Variants in HECW1 observed in about 807,000 individuals in gnomAD.
HECW1 encodes the protein HECT, C2 and WW domain containing E3 ubiquitin protein ligase 1.
Under a neutral mutation model 182.3 loss-of-function variants are expected in HECW1, and 61 were observed. The observed-to-expected ratio is 0.33, with a 90% CI of 0.27 to 0.41. The LOEUF (loss-of-function observed/expected upper bound fraction) is 0.41, where lower values mean the gene tolerates loss of function less well. Ranked by LOEUF, HECW1 falls within the 10% of genes least tolerant of loss-of-function variation. The pLI is 1.00. For missense variants in HECW1, 1,739 were observed against 2,108.9 expected, an observed-to-expected ratio of 0.82 and a Z score of 3.44; for synonymous variants, 859 against 832.6, an observed-to-expected ratio of 1.03 and a Z score of -0.55.
intron 2 of HECW1, among the ~76,000 whole-genome samples, chr7:43,168,853 A>C (rs551584599): frequency 1.3e-5 from 2 of 152,290 alleles, no homozygotes; most frequent in Non-Finnish European, 2.9e-5. Context: ...CTGACAAGAT[A>C]TGATTCTACT....
chr7:43,366,167 A>G (rs1208711832), intron 6 of HECW1, among the ~76,000 whole-genome samples: 1 of 147,328 alleles, frequency 6.8e-6, no homozygotes, highest in Non-Finnish European at 1.5e-5. Flanking sequence ...TTACAGATTC[A>G]TATACTTGTC....
intron 6 of HECW1, among the ~76,000 whole-genome samples, chr7:43,391,300 C>T (rs1365680210): frequency 6.6e-6 from 1 of 152,070 alleles, no homozygotes; most frequent in Non-Finnish European, 1.5e-5. Context: ...ATATCTTCTC[C>T]CTGTAGCTGG....
intron 19 of HECW1, among the ~76,000 whole-genome samples, chr7:43,497,982 G>A (rs1490772555): frequency 6.6e-6 from 1 of 152,190 alleles, no homozygotes; most frequent in Non-Finnish European, 1.5e-5. Context: ...CTGAACTCTA[G>A]GGAAAGTGTG....
intron 2 of HECW1, chr7:43,240,132 G>A (rs1798738568): frequency 6.6e-6 from 1 of 152,214 alleles, no homozygotes; most frequent in African/African-American, 2.4e-5. Flanking sequence ...CACGAGGTCA[G>A]GAGATCGAGA....
In HECW1 at chr7:43,112,813, G is replaced by A; in HGVS notation, c.-391G>A. ...AGCCAGAGCGCAGCGAGAGCGGGCG[G>A]TCGCCAGGGTCCCCTCCCCAGCCAG... On this transcript the variant is annotated 5_prime_UTR_variant, in exon 1 of 30. Transcript: ENST00000395891. 8.7e-6 allele frequency: 2 copies of A among 228,910 alleles called. No homozygotes were observed. The highest frequency in any genetic ancestry group is 6.1e-5 in the East Asian group (1 of 16,306). 14.2% of individuals were successfully genotyped at this position (228,910 alleles called of 1,614,324 possible). A position where few individuals can be genotyped will look rare whatever the true frequency, so the allele number is the denominator to read the frequency against.
intron 2 of HECW1, among the ~76,000 whole-genome samples, chr7:43,237,868 G>T (rs567200441): frequency 6.6e-6 from 1 of 151,522 alleles, no homozygotes; most frequent in South Asian, 2.1e-4. Context: ...CTGCAAAAGC[G>T]CTGAGTAGGA....
In HECW1 at chr7:43,564,879, G is replaced by T. The variant is rs185461562; in HGVS notation, c.*2953G>T. The T allele has an allele frequency of 8.9e-3, 1,610 of 180,334 alleles. 27 individuals carry two copies. Among genetic ancestry groups the T allele is most frequent in the African/African-American group, 0.039 (1,518 of 39,102 alleles). 11.2% of individuals were successfully genotyped at this position (180,334 alleles called of 1,614,324 possible). On this transcript the variant is annotated 3_prime_UTR_variant, in exon 30 of 30. Coordinates refer to ENST00000395891, the MANE Select transcript of HECW1 (RefSeq NM_015052.5). ...AAGACAGATCTATTTGTTACCACCT[G>T]TAATTTTTTTTTAAGCATGAGTTTT...
chr7:43,458,270 T>A (rs1015318257), intron 13 of HECW1, among the ~76,000 whole-genome samples: 1 of 152,252 alleles, frequency 6.6e-6, no homozygotes, highest in African/African-American at 2.4e-5. Context: ...ATCGTCAGGC[T>A]GTATTCATAA....
intron 24 of HECW1, among the ~76,000 whole-genome samples, chr7:43,520,819 G>T (rs952371666): frequency 1.3e-4 from 20 of 152,112 alleles, no homozygotes; most frequent in African/African-American, 4.6e-4. Flanking sequence ...GTGCAAAATA[G>T]CTTGAGAAAG....
At chr7:43,274,040 G>A (rs185518846) in intron 3 of HECW1, 38 of 279,660 alleles carry the variant, frequency 1.4e-4, no homozygotes, top group Admixed American at 1.1e-3. Context: ...TAGTGGAGAC[G>A]GGGTTTTGCC....
chr7:43,409,930 G>T (rs1422164477), intron 8 of HECW1, among the ~76,000 whole-genome samples: 1 of 152,140 alleles, frequency 6.6e-6, no homozygotes, highest in Non-Finnish European at 1.5e-5. Flanking sequence ...GATGTATTTG[G>T]CTCCATGCAA....
intron 2 of HECW1, among the ~76,000 whole-genome samples, chr7:43,172,051 G>T (rs1791748005): frequency 6.6e-6 from 1 of 151,510 alleles, no homozygotes; most frequent in African/African-American, 2.4e-5. Context: ...GCTGAGGCGG[G>T]TGGATAACTT....
intron 22 of HECW1, among the ~76,000 whole-genome samples, chr7:43,507,571 A>C (rs894997122): frequency 1.3e-5 from 2 of 152,194 alleles, no homozygotes; most frequent in Non-Finnish European, 2.9e-5. Flanking sequence ...CTAAATAAAA[A>C]ATCTCATATT....
At chr7:43,494,170 T>A (rs955253773) in intron 19 of HECW1, among the ~76,000 whole-genome samples, 4 of 152,086 alleles carry the variant, frequency 2.6e-5, no homozygotes, top group Admixed American at 2.0e-4. Context: ...CACCCCCTCA[T>A]TGACACCTCT....
chr7:43,316,486 G>A (rs924950924), intron 4 of HECW1, among the ~76,000 whole-genome samples: 29 of 152,174 alleles, frequency 1.9e-4, no homozygotes, highest in South Asian at 1.2e-3. Context: ...ATTAGCTCAA[G>A]GAATCCTTTC....
rs1006409872 is a variant in HECW1 at position 43,353,156 on chromosome 7, A to AAT, written c.461-7719_461-7718dup. Reference sequence around the variant, plus strand: ...ACCCCGGCCCAAACTTGAAAATATAAATATATATATATTATTGATGCATGT... The same window carrying AAT: ...ACCCCGGCCCAAACTTGAAAATATAAATATATATATATATTATTGATGCATGT... On this transcript the variant is annotated intron_variant, in intron 5 of 29. Coordinates refer to ENST00000395891, the MANE Select transcript of HECW1 (RefSeq NM_015052.5). Among the ~76,000 whole-genome samples the AAT allele has an allele frequency of 5.3e-5, 8 of 151,894 alleles. No homozygotes were observed. The East Asian group carries it at 5.8e-4, about 11-fold the overall frequency.
Position 43,440,234 on chromosome 7 carries a change from A to G in HECW1, c.944+2089A>G, listed in dbSNP as rs922589107. On this transcript the variant is annotated intron_variant, in intron 9 of 29. Transcript: ENST00000395891. The stretch of plus-strand genomic sequence containing the variant: ...CCCTCAGCACATGCTCTCCCCATAA[A>G]GCCCCCTGCATCCGTGGTTTCTGAA... 4 of 152,684 alleles carry G rather than the reference A, an allele frequency of 2.6e-5. 1 individual carries two copies. Among genetic ancestry groups the G allele is most frequent in the Non-Finnish European group, 5.8e-5 (4 of 68,398 alleles). The allele number at this position is 152,684 out of a possible 1,614,324, so 9.5% of individuals were successfully genotyped here. A position where few individuals can be genotyped will look rare whatever the true frequency, so the allele number is the denominator to read the frequency against.
At chr7:43,523,137 G>A (rs530738458) in intron 24 of HECW1, 5 of 349,216 alleles carry the variant, frequency 1.4e-5, no homozygotes, top group Non-Finnish European at 2.9e-5. Context: ...TCAAGTAGCT[G>A]GGATTACAGG....
chr7:43,507,053 G>A (rs1049226759), intron 21 of HECW1, 84 bp from the exon 22 acceptor site: 12 of 1,502,794 alleles, frequency 8.0e-6, no homozygotes, highest in Non-Finnish European at 1.1e-5. Context: ...CTGGGCAACA[G>A]AGCGAGACTC....
Sources: gnomAD v4.1 joint callset for allele counts (sites outside exome capture counted in the v4.1 genomes callset) on GRCh38, gnomAD v4.1.1 for gene constraint, MANE v1.5 for transcripts, NCBI Gene and HGNC (gene_info 2026-07-23, HGNC 2026-07-21) for gene names.